FLNB: variants seen among roughly 807,000 people sequenced by gnomAD.
The protein encoded by FLNB is filamin B.
FLNB carries 111 observed loss-of-function variants against 250.6 expected under a neutral mutation model. The ratio of observed to expected loss-of-function variants is 0.44; its 90% CI spans 0.38 to 0.52. FLNB has a LOEUF of 0.52. Among genes scored for constraint, FLNB ranks in the 20% least tolerant of loss-of-function variants. The pLI is 0.00. For missense variants in FLNB, 2,869 were observed against 3,447.8 expected (o/e 0.83, Z 4.20); for synonymous variants, 1,302 against 1,372.1 (o/e 0.95, Z 1.13).
chr3:58,121,896 G>A (rs1029094916), intron 20 of FLNB, among the ~76,000 whole-genome samples: 29 of 152,192 alleles, frequency 1.9e-4, no homozygotes, highest in Non-Finnish European at 2.8e-4. Flanking sequence ...CTGGCCAGGC[G>A]CGGTGGCTCA....
At chr3:58,123,745 G>A in intron 21 of FLNB, 55 bp downstream of exon 21, 4 of 1,474,860 alleles carry the variant, frequency 2.7e-6, no homozygotes, top group Non-Finnish European at 3.7e-6. Context: ...GGGACTTAAG[G>A]GCTACCTGAA....
chr3:58,059,720 C>G (rs1233030909), intron 1 of FLNB, among the ~76,000 whole-genome samples: 3 of 152,204 alleles, frequency 2.0e-5, no homozygotes, highest in Non-Finnish European at 2.9e-5. Context: ...TTCTGTTTAT[C>G]TTACTGCCAC....
chr3:58,032,095 ATTTTTCTT>A (rs1302230406), intron 1 of FLNB, among the ~76,000 whole-genome samples: 2 of 150,760 alleles, frequency 1.3e-5, no homozygotes, highest in East Asian at 2.0e-4. Flanking sequence ...CACCTGACTA[ATTTTTCTT>A]TTTTTCTTTT....
Position 58,130,655 on chromosome 3 carries a change from G to C in FLNB, c.4223-86G>C, listed in dbSNP as rs567717661. 5.6e-5 allele frequency: 80 copies of C among 1,427,492 alleles called. No homozygotes were observed. In the East Asian group the frequency reaches 1.7e-3, roughly 30 times the overall value. 88.4% of individuals were successfully genotyped at this position (1,427,492 alleles called of 1,614,324 possible). A position where few individuals can be genotyped will look rare whatever the true frequency, so the allele number is the denominator to read the frequency against. On this transcript the variant is annotated intron_variant, in intron 24 of 45. Coordinates refer to ENST00000295956, the MANE Select transcript of FLNB (RefSeq NM_001457.4). ...CCGAGGCCTGCATGGCCGAGGTCCC[G>C]GGGGAGCAGCAGTGCTATTCTGGGT...
chr3:58,064,267 A>G (rs1050827563), intron 1 of FLNB, among the ~76,000 whole-genome samples: 2 of 152,094 alleles, frequency 1.3e-5, no homozygotes, highest in South Asian at 2.1e-4. Flanking sequence ...CAGCCTCCCA[A>G]ATAGCTGGAA....
chr3:58,043,938 C>G (rs1360185741), intron 1 of FLNB, among the ~76,000 whole-genome samples: 3 of 152,134 alleles, frequency 2.0e-5, no homozygotes, highest in Non-Finnish European at 4.4e-5. Context: ...GACTTGAAAC[C>G]CAAAATCAGA....
intron 1 of FLNB, among the ~76,000 whole-genome samples, chr3:58,010,687 TTAAAG>T (rs1170202466): frequency 3.9e-5 from 6 of 152,152 alleles, no homozygotes; most frequent in African/African-American, 7.2e-5. Flanking sequence ...ATAAAGAAAC[TTAAAG>T]TAAACCAGAA....
intron 19 of FLNB, among the ~76,000 whole-genome samples, chr3:58,120,133 A>G (rs1461332379): frequency 1.3e-5 from 2 of 151,972 alleles, no homozygotes; most frequent in East Asian, 3.9e-4. Context: ...ATCTTCCTTC[A>G]CTCGTGACCC....
At chr3:58,039,037 T>A (rs1311177126) in intron 1 of FLNB, among the ~76,000 whole-genome samples, 99 of 149,858 alleles carry the variant, frequency 6.6e-4, no homozygotes, top group African/African-American at 2.2e-3. Flanking sequence ...TTTTTTTTTT[T>A]TTAAAAAAAA....
In FLNB at chr3:58,121,325, G is replaced by A. The variant is rs1420917085; in HGVS notation, c.2948G>A (p.Ser983Asn). The change falls in exon 20 of 46, where the codon AGC becomes AAC. Residue 983 changes from serine to asparagine, a missense_variant. Around this residue, in one of 5 missense-constraint regions of FLNB, gnomAD observed 1,348 missense variants for 1,466.7 expected, o/e 0.92. Coordinates refer to ENST00000295956, the MANE Select transcript of FLNB (RefSeq NM_001457.4). ...GQGKLDVTIL[S>N]PSRKVVPCLV... is the part of the protein sequence containing the mutation. ...GGGAAGCTGGACGTGACAATCCTCA[G>A]CCCCTCTCGGAAGGTCGTGCCATGC... is the stretch of plus-strand genomic sequence containing the variant. The A allele has an allele frequency of 6.2e-7, 1 of 1,614,048 alleles. No homozygotes were observed. The highest frequency in any genetic ancestry group is 1.3e-5 in the African/African-American group (1 of 74,912).
In FLNB at chr3:58,124,455, C is replaced by T. The variant is rs777463221; in HGVS notation, c.3848C>T (p.Thr1283Ile). The T allele has an allele frequency of 3.1e-6, 5 of 1,614,134 alleles. No individual in the cohort carries two copies. In the African/African-American group the frequency reaches 6.7e-5, roughly 22 times the overall value. Reference sequence around the variant, plus strand: ...GGGGCCTCCACCGAGTGCTTTGTCACAGACAATGCGGATGGGACCTACCAG... The same window carrying T: ...GGGGCCTCCACCGAGTGCTTTGTCATAGACAATGCGGATGGGACCTACCAG... ...PSGASTECFV[T>I]DNADGTYQVE... Residue 1283 changes from threonine (T) to isoleucine (I), a missense_variant, in exon 22 of 46, where the codon ACA becomes ATA. Thr to Ile is a moderately conservative substitution (Grantham distance 89, BLOSUM62 -1). This residue lies in a region of FLNB where 1,348 missense variants were observed against 1,466.7 expected (regional missense o/e 0.92). Transcript: ENST00000295956.
In FLNB at chr3:58,154,848, A is replaced by C; in HGVS notation, c.6692A>C (p.Glu2231Ala). ...GCTGGAGGCCTCTCCATCGCTGTTG[A>C]GGGCCCCAGTAAGGCCGAGATTACA... ...AGAGGLSIAV[E>A]GPSKAEITFD... Residue 2231 changes from glutamate (E) to alanine (A), a missense_variant, in exon 40 of 46, where the codon GAG becomes GCG. By Grantham distance (107) the Glu-to-Ala change is moderately radical. Coordinates refer to ENST00000295956, the MANE Select transcript of FLNB (RefSeq NM_001457.4). 4 of 1,614,024 alleles carry C rather than the reference A, an allele frequency of 2.5e-6. No individual in the cohort carries two copies. Among genetic ancestry groups the C allele is most frequent in the Non-Finnish European group, 3.4e-6 (4 of 1,179,912 alleles).
intron 38 of FLNB, among the ~76,000 whole-genome samples, chr3:58,153,039 A>G (rs1331030323): frequency 6.6e-6 from 1 of 152,246 alleles, no homozygotes; most frequent in Non-Finnish European, 1.5e-5. Context: ...TGTTGCCTAA[A>G]AGAAATGCCA....
At chr3:58,021,639 C>T (rs1423646320) in intron 1 of FLNB, among the ~76,000 whole-genome samples, 3 of 152,250 alleles carry the variant, frequency 2.0e-5, no homozygotes, top group Non-Finnish European at 4.4e-5. Flanking sequence ...TCACATTACA[C>T]TTCCTGCAGG....
At chr3:58,095,064 T>C (rs2097235808) in intron 5 of FLNB, 110 bp downstream of exon 5, 1 of 906,954 alleles carries the variant, frequency 1.1e-6, no homozygotes, top group African/African-American at 1.6e-5. Flanking sequence ...CAACCAAAAG[T>C]GTTTTTTACC....
intron 4 of FLNB, among the ~76,000 whole-genome samples, chr3:58,093,259 T>A (rs1393639469): frequency 6.6e-6 from 1 of 152,156 alleles, no homozygotes; most frequent in Non-Finnish European, 1.5e-5. Context: ...CACAGGAGCG[T>A]CTGTCCCCAT....
chr3:58,067,289 G>A (rs1322461767), intron 1 of FLNB, among the ~76,000 whole-genome samples: 1 of 151,644 alleles, frequency 6.6e-6, no homozygotes, highest in Non-Finnish European at 1.5e-5. Context: ...ATCATCTCTT[G>A]AAAAACTACT....
chr3:58,019,537 G>A (rs2097110672), intron 1 of FLNB, among the ~76,000 whole-genome samples: 1 of 152,140 alleles, frequency 6.6e-6, no homozygotes, highest in Non-Finnish European at 1.5e-5. Flanking sequence ...TCACTTTACA[G>A]GTCAGGCTTA....
chr3:58,123,969 G>C (rs2097293404), intron 21 of FLNB, among the ~76,000 whole-genome samples: 1 of 152,132 alleles, frequency 6.6e-6, no homozygotes, highest in Non-Finnish European at 1.5e-5. Context: ...TTTTGGCAAA[G>C]GCAGAAATCT....
Sources: allele counts gnomAD v4.1 joint callset (sites outside exome capture counted in the v4.1 genomes callset), GRCh38; gene constraint gnomAD v4.1.1; regional missense constraint gnomAD v4.1.1; transcripts MANE v1.5; gene names NCBI Gene and HGNC (gene_info 2026-07-23, HGNC 2026-07-21).